Variants in KCNK18 observed in about 807,000 individuals in gnomAD.
KCNK18 encodes the protein potassium channel subfamily K member 18.
A neutral mutation model predicts 11.8 loss-of-function variants in KCNK18; 8 were observed. The observed-to-expected ratio is 0.68, with a 90% confidence interval of 0.40 to 1.22. The LOEUF is 1.22. Ranked by LOEUF, KCNK18 falls within the 50% of genes most tolerant of loss-of-function variation. The pLI, the probability that KCNK18 is intolerant of heterozygous loss-of-function variation, is 0.01. For synonymous variants in KCNK18, 208 were observed against 185.8 expected (o/e 1.12, Z -0.97); for missense variants, 442 against 465.4 (o/e 0.95, Z 0.46).
intron 2 of KCNK18, among the ~76,000 whole-genome samples, chr10:117,202,223 G>T (rs1219463389): frequency 6.6e-6 from 1 of 152,226 alleles, no homozygotes; most frequent in East Asian, 1.9e-4. Flanking sequence ...GCCTGGGTTG[G>T]AGCTGTGGAA....
In KCNK18 at chr10:117,209,566, TC is replaced by T. The variant is rs1171560457; in HGVS notation, c.427del (p.Leu143Ter). 2 of 1,614,126 alleles carry T rather than the reference TC, an allele frequency of 1.2e-6. No individual in the cohort carries two copies. The highest frequency in any genetic ancestry group is 1.7e-6 in the Non-Finnish European group (2 of 1,180,008). ...YLCMLYALFG[I>X]PLMFLVLTDT... ...TGCATGCTCTATGCTCTCTTTGGTATCCCCCTGATGTTCCTCGTTCTCACGG... is the reference window on the plus strand; with the variant it reads ...TGCATGCTCTATGCTCTCTTTGGTATCCCCTGATGTTCCTCGTTCTCACGG... On this transcript the variant is annotated frameshift_variant, in exon 3 of 3. Coordinates refer to ENST00000334549, the MANE Select transcript of KCNK18 (RefSeq NM_181840.1). LOFTEE classifies it low-confidence loss of function (END_TRUNC).
intron 1 of KCNK18, among the ~76,000 whole-genome samples, chr10:117,199,820 G>T (rs1367925992): frequency 2.0e-5 from 3 of 152,194 alleles, no homozygotes; most frequent in Non-Finnish European, 4.4e-5. Context: ...ACTTCCTGCT[G>T]CATGCCAGGT....
At chr10:117,204,958 G>A (rs1392076191) in intron 2 of KCNK18, among the ~76,000 whole-genome samples, 3 of 152,190 alleles carry the variant, frequency 2.0e-5, no homozygotes, top group Admixed American at 1.3e-4. Context: ...CCCATTGTAC[G>A]AGTCAATTAG....
intron 2 of KCNK18, among the ~76,000 whole-genome samples, chr10:117,204,539 G>T (rs1407546763): frequency 6.6e-6 from 1 of 152,156 alleles, no homozygotes; most frequent in African/African-American, 2.4e-5. Flanking sequence ...ATTGAGAAAT[G>T]ATCTATTGCA....
In KCNK18 at chr10:117,210,115, T is replaced by C. The variant is rs368800855; in HGVS notation, c.971T>C (p.Ile324Thr). The change falls in exon 3 of 3, where the codon ATT becomes ACT. Residue 324 changes from isoleucine to threonine, a missense_variant. By Grantham distance (89) the Ile-to-Thr change is moderately conservative. Coordinates refer to ENST00000334549, the MANE Select transcript of KCNK18 (RefSeq NM_181840.1). ...TTCTGCTTTGTCACACTCACCACCATTGGGTTTGGGGATACTGTTTTAGAA... is the reference window on the plus strand; with the variant it reads ...TTCTGCTTTGTCACACTCACCACCACTGGGTTTGGGGATACTGTTTTAGAA... ...FYFCFVTLTTIGFGDTVLEHP... is the reference protein window; with the variant it reads ...FYFCFVTLTTTGFGDTVLEHP... 4.0e-5 allele frequency: 65 copies of C among 1,614,094 alleles called. 1 individual carries two copies. Among genetic ancestry groups the C allele is most frequent in the Admixed American group, 3.7e-4 (22 of 60,008 alleles).
Position 117,209,791 on chromosome 10 carries a change from C to T in KCNK18, c.647C>T (p.Thr216Ile), listed in dbSNP as rs1180480188. The change falls in exon 3 of 3, where the codon ACA becomes ATA. Residue 216 changes from threonine to isoleucine, a missense_variant. Thr to Ile is a moderately conservative substitution (Grantham distance 89, BLOSUM62 -1). Coordinates refer to ENST00000334549, the MANE Select transcript of KCNK18 (RefSeq NM_181840.1). The part of the protein sequence containing the change: ...AEELPGPKLG[T>I]CPSRPSCSME... ...GAGCTTCCAGGCCCCAAACTTGGCA[C>T]ATGTCCTTCACGCCCAAGCTGCAGC... The T allele has an allele frequency of 5.0e-6, 8 of 1,614,196 alleles. No individual in the cohort carries two copies. Among genetic ancestry groups the T allele is most frequent in the Admixed American group, 3.3e-5 (2 of 60,030 alleles).
At chr10:117,202,303 CA>C (rs1487578726) in intron 2 of KCNK18, among the ~76,000 whole-genome samples, 2 of 152,250 alleles carry the variant, frequency 1.3e-5, no homozygotes, top group African/African-American at 4.8e-5. Flanking sequence ...ACCTGCCTCT[CA>C]GGGTCAGCTG....
chr10:117,209,361 T>G, intron 2 of KCNK18, 136 bp from the exon 3 acceptor site: 1 of 821,350 alleles, frequency 1.2e-6, no homozygotes. Context: ...CTGAATGCTT[T>G]GAGATGAGTA....
In KCNK18 at chr10:117,210,118, G is replaced by A; in HGVS notation, c.974G>A (p.Gly325Glu). 1 of 1,614,074 alleles carries A rather than the reference G, an allele frequency of 6.2e-7. No homozygotes were observed. Among genetic ancestry groups the A allele is most frequent in the Non-Finnish European group, 8.5e-7 (1 of 1,180,018 alleles). The change falls in exon 3 of 3, where the codon GGG becomes GAG. Residue 325 changes from glycine (G) to glutamate (E), a missense_variant. Transcript: ENST00000334549. ...TGCTTTGTCACACTCACCACCATTG[G>A]GTTTGGGGATACTGTTTTAGAACAC... ...YFCFVTLTTI[G>E]FGDTVLEHPN...
chr10:117,201,721 A>T (rs1855016225), intron 2 of KCNK18, among the ~76,000 whole-genome samples: 1 of 152,198 alleles, frequency 6.6e-6, no homozygotes, highest in African/African-American at 2.4e-5. Context: ...TATGAGCAAA[A>T]CGTTGGTTTA....
rs760711955 is a variant in KCNK18 at position 117,197,762 on chromosome 10, T to G, written c.223+51T>G. On this transcript the variant is annotated intron_variant, in intron 1 of 2. Transcript: ENST00000334549. ...GGCCTTTTCTCCGTGGTGGCAGCAG[T>G]CCCCCAAGAGCAGAGGGCTGCCTTC... The G allele has an allele frequency of 6.5e-6, 10 of 1,528,088 alleles. No individual in the cohort carries two copies. The East Asian group carries it at 2.3e-4, about 35-fold the overall frequency. The allele number at this position is 1,528,088 out of a possible 1,614,324, so 94.7% of individuals were successfully genotyped here.
chr10:117,199,357 C>T (rs1206292779), intron 1 of KCNK18, among the ~76,000 whole-genome samples: 1 of 152,072 alleles, frequency 6.6e-6, no homozygotes, highest in African/African-American at 2.4e-5. Context: ...TCAGGTGATT[C>T]CAATGCACAG....
At chr10:117,202,622 C>T (rs565049681) in intron 2 of KCNK18, among the ~76,000 whole-genome samples, 8 of 152,330 alleles carry the variant, frequency 5.3e-5, no homozygotes, top group Non-Finnish European at 8.8e-5. Context: ...TCAGCCATGA[C>T]GATGTCTTCC....
intron 2 of KCNK18, 81 bp downstream of exon 2, chr10:117,201,368 G>T (rs954930031): frequency 1.3e-5 from 19 of 1,452,640 alleles, no homozygotes; most frequent in Non-Finnish European, 1.4e-5. Flanking sequence ...TGGAATTGGG[G>T]TGTGGAGATG....
At chr10:117,198,346 C>T (rs562247896) in intron 1 of KCNK18, among the ~76,000 whole-genome samples, 29 of 151,982 alleles carry the variant, frequency 1.9e-4, no homozygotes, top group Non-Finnish European at 3.2e-4. Flanking sequence ...CTCTGCAATC[C>T]GTGGAGGCAA....
chr10:117,204,669 C>T (rs1855056915), intron 2 of KCNK18, among the ~76,000 whole-genome samples: 1 of 152,170 alleles, frequency 6.6e-6, no homozygotes, highest in Non-Finnish European at 1.5e-5. Context: ...GGCTGTGGGA[C>T]CCAGCAATCT....
At chr10:117,200,895 C>T (rs1012497424) in intron 1 of KCNK18, among the ~76,000 whole-genome samples, 7 of 152,058 alleles carry the variant, frequency 4.6e-5, no homozygotes, top group Admixed American at 1.3e-4. Flanking sequence ...GGGCTAAGCT[C>T]TGGTGGGACC....
chr10:117,202,886 C>CT (rs201850637), intron 2 of KCNK18, among the ~76,000 whole-genome samples: 3,098 of 122,712 alleles, frequency 0.025, 92 homozygotes, highest in African/African-American at 0.05. Flanking sequence ...TGCCTGAATG[C>CT]TTTTTTTTTT....
In KCNK18 at chr10:117,201,195, T is replaced by C; in HGVS notation, c.260T>C (p.Leu87Pro). Residue 87 changes from leucine to proline, a missense_variant, in exon 2 of 3, where the codon CTG (leucine) becomes CCG (proline). Transcript: ENST00000334549. Reference protein sequence around the residue: ...EDRKQDLQGHLQKVKPQWFNR... With the variant: ...EDRKQDLQGHPQKVKPQWFNR... ...AGAAAACAGGATCTCCAGGGGCATC[T>C]GCAGAAGGTGAAGCCTCAGTGGTTT... 1.2e-6 allele frequency: 2 copies of C among 1,614,200 alleles called. No homozygotes were observed. Among genetic ancestry groups the C allele is most frequent in the Non-Finnish European group, 1.7e-6 (2 of 1,180,012 alleles).
Sources: allele counts gnomAD v4.1 joint callset (sites outside exome capture counted in the v4.1 genomes callset), GRCh38; gene constraint gnomAD v4.1.1; transcripts MANE v1.5; gene names NCBI Gene and HGNC (gene_info 2026-07-23, HGNC 2026-07-21).